Variants in MAPK4 observed in about 807,000 individuals in gnomAD.
The protein encoded by MAPK4 is mitogen-activated protein kinase 4.
Under a neutral mutation model 47.7 loss-of-function variants are expected in MAPK4, and 22 were observed. That is an observed-to-expected ratio of 0.46 (90% CI 0.33 to 0.66). The LOEUF is 0.66. MAPK4 is among the 30% of genes least tolerant of loss of function. The probability of loss-of-function intolerance (pLI) is 0.02; values close to 1 mark genes in which losing one functional copy is unlikely to be tolerated. For synonymous variants in MAPK4, 390 were observed against 365.7 expected, an observed-to-expected ratio of 1.07 and a Z score of -0.76; for missense variants, 736 against 831.7, an observed-to-expected ratio of 0.88 and a Z score of 1.42.
At chr18:50,695,825 A>G (rs1395864279) in intron 2 of MAPK4, among the ~76,000 whole-genome samples, 2 of 152,240 alleles carry the variant, frequency 1.3e-5, no homozygotes, top group Non-Finnish European at 2.9e-5. Flanking sequence ...GGGCAGAGTG[A>G]CATCTATTCA....
chr18:50,565,814 G>A (rs1258343462), intron 1 of MAPK4, among the ~76,000 whole-genome samples: 1 of 152,194 alleles, frequency 6.6e-6, no homozygotes, highest in Admixed American at 6.5e-5. Context: ...TATAGCCTAG[G>A]TATGTAGGCT....
chr18:50,591,071 G>T (rs753069667), intron 1 of MAPK4, among the ~76,000 whole-genome samples: 34 of 152,146 alleles, frequency 2.2e-4, no homozygotes, highest in Non-Finnish European at 4.7e-4. Context: ...ATTCATATTG[G>T]CACAATAATT....
chr18:50,648,085 T>G, intron 1 of MAPK4, among the ~76,000 whole-genome samples: 1 of 146,836 alleles, frequency 6.8e-6, no homozygotes, highest in Admixed American at 7.0e-5. Context: ...CCCAGTATGA[T>G]GGGAAGAAAG....
intron 1 of MAPK4, among the ~76,000 whole-genome samples, chr18:50,627,553 G>A (rs1185822268): frequency 6.6e-6 from 1 of 152,202 alleles, no homozygotes; most frequent in Admixed American, 6.5e-5. Context: ...CCCTGCCACT[G>A]TGTTGTCTTC....
chr18:50,615,208 G>A (rs1189167144), intron 1 of MAPK4, among the ~76,000 whole-genome samples: 1 of 152,160 alleles, frequency 6.6e-6, no homozygotes, highest in Non-Finnish European at 1.5e-5. Context: ...TGTTGGGGGG[G>A]GAGATCCAGG....
At chr18:50,626,092 G>A (rs560200147) in intron 1 of MAPK4, among the ~76,000 whole-genome samples, 1 of 152,258 alleles carries the variant, frequency 6.6e-6, no homozygotes, top group African/African-American at 2.4e-5. Context: ...CTCAGGGGAA[G>A]TCCTTCATTT....
intron 2 of MAPK4, chr18:50,705,798 G>C (rs567496096): frequency 4.6e-5 from 7 of 152,330 alleles, no homozygotes; most frequent in African/African-American, 1.4e-4. Context: ...TACATGAGAG[G>C]CCTTTCTGGA....
chr18:50,570,255 A>T (rs1421019578), intron 1 of MAPK4, among the ~76,000 whole-genome samples: 3 of 152,254 alleles, frequency 2.0e-5, no homozygotes, highest in African/African-American at 7.2e-5. Context: ...TATTTCAACT[A>T]ACTGGACATA....
chr18:50,694,042 C>A (rs1450203725), intron 2 of MAPK4, among the ~76,000 whole-genome samples: 1 of 152,176 alleles, frequency 6.6e-6, no homozygotes, highest in Non-Finnish European at 1.5e-5. Flanking sequence ...GAGAAGCATT[C>A]GGTATTTATC....
intron 2 of MAPK4, among the ~76,000 whole-genome samples, chr18:50,682,192 A>G (rs1342537315): frequency 1.3e-5 from 2 of 152,168 alleles, no homozygotes; most frequent in Non-Finnish European, 1.5e-5. Context: ...AACCCACTAA[A>G]TAGTACACTT....
At chr18:50,642,645 C>G (rs2042950936) in intron 1 of MAPK4, among the ~76,000 whole-genome samples, 1 of 152,174 alleles carries the variant, frequency 6.6e-6, no homozygotes, top group African/African-American at 2.4e-5. Flanking sequence ...ACCATCTGGC[C>G]TTTGAACACT....
At chr18:50,562,968 G>A (rs546481746) in intron 1 of MAPK4, among the ~76,000 whole-genome samples, 1 of 152,090 alleles carries the variant, frequency 6.6e-6, no homozygotes, top group East Asian at 1.9e-4. Flanking sequence ...TTTTTGCCTT[G>A]GCCTCTAGAA....
chr18:50,585,681 A>G (rs1414131149), intron 1 of MAPK4, among the ~76,000 whole-genome samples: 1 of 152,240 alleles, frequency 6.6e-6, no homozygotes, highest in Non-Finnish European at 1.5e-5. Context: ...TAGATATATT[A>G]GTCCGCTCTC....
intron 1 of MAPK4, among the ~76,000 whole-genome samples, chr18:50,615,653 AGAG>A (rs1462406520): frequency 2.0e-5 from 3 of 152,226 alleles, no homozygotes; most frequent in Non-Finnish European, 4.4e-5. Context: ...CTGTGGAAGA[AGAG>A]GAGAACGCCA....
intron 1 of MAPK4, among the ~76,000 whole-genome samples, chr18:50,622,571 C>A (rs534769405): frequency 1.3e-5 from 2 of 152,310 alleles, no homozygotes; most frequent in Admixed American, 1.3e-4. Context: ...GGCAAGGAGG[C>A]CTTCATTCCT....
At chr18:50,694,615 A>T (rs1447410010) in intron 2 of MAPK4, among the ~76,000 whole-genome samples, 2 of 152,214 alleles carry the variant, frequency 1.3e-5, no homozygotes, top group African/African-American at 4.8e-5. Flanking sequence ...CAAATAATTT[A>T]TTCTTAATGT....
intron 1 of MAPK4, among the ~76,000 whole-genome samples, chr18:50,570,532 T>C (rs535048934): frequency 6.3e-4 from 96 of 151,978 alleles, no homozygotes; most frequent in African/African-American, 2.2e-3. Context: ...TTTCCTTCCA[T>C]TCAAACTGGA....
intron 2 of MAPK4, among the ~76,000 whole-genome samples, chr18:50,701,056 C>T (rs1310552953): frequency 2.0e-5 from 3 of 152,132 alleles, no homozygotes; most frequent in Admixed American, 6.5e-5. Flanking sequence ...CTCCAGCCCT[C>T]GAGATGATTT....
rs553967305 is a variant in MAPK4, at chr18:50,723,732, C to T, written c.853+1633C>T. Among the ~76,000 whole-genome samples, 10 of 152,030 alleles carry T rather than the reference C, an allele frequency of 6.6e-5. No individual in the cohort carries two copies. The South Asian group carries it at 1.9e-3, about 29-fold the overall frequency. On this transcript the variant is annotated intron_variant, in intron 4 of 5. Transcript: ENST00000400384. ...ATAACAAATTAGCTGGGCATGGTGG[C>T]GCACACCTATGGTCTCAGCTACTTG...
Sources: gnomAD v4.1 joint callset for allele counts (sites outside exome capture counted in the v4.1 genomes callset) on GRCh38, gnomAD v4.1.1 for gene constraint, MANE v1.5 for transcripts, NCBI Gene and HGNC (gene_info 2026-07-23, HGNC 2026-07-21) for gene names.